ATOSB: variants seen among roughly 807,000 people sequenced by gnomAD.
ATOSB encodes the protein atos homolog B.
At chr9:35,106,407 A>T in the ATOSB span, 1 of 1,614,050 alleles carries the variant, frequency 6.2e-7, no homozygotes, top group Non-Finnish European at 8.5e-7. This position sits in a 1 kb window ranked among gnomAD's most constrained non-coding sequence, Gnocchi z 4.6. Context: ...CGCAGCAATG[A>T]TTCCTGGGAT....
chr9:35,108,473 G>A, the ATOSB span: 2 of 1,326,454 alleles, frequency 1.5e-6, no homozygotes, highest in Non-Finnish European at 9.8e-7. Context: ...GGATGAATGT[G>A]TACAAATCCC....
the ATOSB span, among the ~76,000 whole-genome samples, chr9:35,114,044 C>T: frequency 6.6e-6 from 1 of 152,210 alleles, no homozygotes; most frequent in Non-Finnish European, 1.5e-5. Flanking sequence ...TGCTGAGGGC[C>T]TCTGCAGCTC....
the ATOSB span, chr9:35,106,996 T>C: frequency 9.9e-7 from 1 of 1,014,372 alleles, no homozygotes. The surrounding 1 kb of genome is among the most constrained non-coding windows in gnomAD (Gnocchi z 4.6). Context: ...CCCCCAGGCC[T>C]CCACCTTTAC....
At chr9:35,116,053 C>T in the ATOSB span, among the ~76,000 whole-genome samples, 1 of 151,970 alleles carries the variant, frequency 6.6e-6, no homozygotes, top group African/African-American at 2.4e-5. Context: ...CTCGCACCTC[C>T]TTCGCGTTTT....
the ATOSB span, chr9:35,105,067 A>C: frequency 3.7e-6 from 3 of 801,846 alleles, no homozygotes; most frequent in Admixed American, 1.0e-4. This position sits in a 1 kb window ranked among gnomAD's most constrained non-coding sequence, Gnocchi z 5.5. Context: ...TAAGAATCAG[A>C]AGCTTTAAAC....
the ATOSB span, chr9:35,107,702 G>T: frequency 6.2e-7 from 1 of 1,606,538 alleles, no homozygotes; most frequent in Non-Finnish European, 8.5e-7. Flanking sequence ...GTGCAAGACT[G>T]TGCAAATCAG....
the ATOSB span, chr9:35,108,793 G>A: frequency 7.3e-6 from 4 of 550,788 alleles, no homozygotes; most frequent in Non-Finnish European, 9.3e-6. Context: ...GGTAAGGCCT[G>A]TCACCAATTA....
At chr9:35,104,962 G>A in the ATOSB span, 177 of 347,056 alleles carry the variant, frequency 5.1e-4, 1 homozygote, top group South Asian at 0.014. Flanking sequence ...GAAAATCTCA[G>A]GGTAGCTCCA....
At chr9:35,106,262 G>A in the ATOSB span, 1 of 1,613,616 alleles carries the variant, frequency 6.2e-7, no homozygotes, top group Non-Finnish European at 8.5e-7. The surrounding 1 kb of genome is among the most constrained non-coding windows in gnomAD (Gnocchi z 4.6). Context: ...CAGGAAGGGA[G>A]CCGGGGCATT....
chr9:35,108,149 C>T, the ATOSB span: 14 of 1,578,304 alleles, frequency 8.9e-6, no homozygotes, highest in African/African-American at 2.7e-5. Flanking sequence ...CGGGGGATGT[C>T]GCCCCCCCTG....
the ATOSB span, chr9:35,107,449 T>C: frequency 6.2e-7 from 1 of 1,613,614 alleles, no homozygotes; most frequent in Non-Finnish European, 8.5e-7. Flanking sequence ...TCAGAACTGT[T>C]GGCAGCAGTA....
the ATOSB span, chr9:35,106,924 G>A: frequency 7.1e-6 from 11 of 1,546,486 alleles, no homozygotes; most frequent in South Asian, 1.3e-4. The surrounding 1 kb of genome is among the most constrained non-coding windows in gnomAD (Gnocchi z 4.6). Context: ...AAAGACACAG[G>A]GTGAAGGCCA....
chr9:35,105,841 T>C, the ATOSB span: 5 of 1,613,906 alleles, frequency 3.1e-6, no homozygotes, highest in South Asian at 2.2e-5. This position sits in a 1 kb window ranked among gnomAD's most constrained non-coding sequence, Gnocchi z 5.5. Flanking sequence ...CACAGTCTGG[T>C]TGGGGTTAAA....
At chr9:35,106,193 C>T in the ATOSB span, 7 of 1,606,404 alleles carry the variant, frequency 4.4e-6, no homozygotes, top group South Asian at 7.7e-5. This position sits in a 1 kb window ranked among gnomAD's most constrained non-coding sequence, Gnocchi z 4.6. Flanking sequence ...CCCCCTGGCC[C>T]CGCCCCCAAA....
the ATOSB span, chr9:35,105,395 C>A: frequency 6.3e-7 from 1 of 1,596,030 alleles, no homozygotes; most frequent in Non-Finnish European, 8.6e-7. The surrounding 1 kb of genome is among the most constrained non-coding windows in gnomAD (Gnocchi z 5.5). Flanking sequence ...ACAATGTGAT[C>A]AACGTAAGAA....
At chr9:35,107,579 A>G in the ATOSB span, 1 of 1,587,146 alleles carries the variant, frequency 6.3e-7, no homozygotes, top group Non-Finnish European at 8.6e-7. Context: ...CTGGGGGTCC[A>G]GGGCCAGGGG....
chr9:35,108,185 A>G, the ATOSB span: 6 of 1,597,072 alleles, frequency 3.8e-6, no homozygotes, highest in Non-Finnish European at 4.3e-6. Flanking sequence ...TGAGCAGGCC[A>G]CCCTGGAGGG....
chr9:35,107,623 C>G, the ATOSB span: 1 of 1,597,158 alleles, frequency 6.3e-7, no homozygotes, highest in Non-Finnish European at 8.5e-7. Flanking sequence ...TTGGCAGTGC[C>G]AGGGGACTCC....
the ATOSB span, among the ~76,000 whole-genome samples, chr9:35,113,180 A>C: frequency 4.5e-4 from 69 of 152,314 alleles, no homozygotes; most frequent in African/African-American, 1.6e-3. Flanking sequence ...GAAAAAAATA[A>C]TCCCTTAGCA....
Sources: allele counts gnomAD v4.1 joint callset (sites outside exome capture counted in the v4.1 genomes callset), GRCh38; gene constraint gnomAD v4.1.1; non-coding constraint Gnocchi (gnomAD v3.1); transcripts MANE v1.5; gene names NCBI Gene and HGNC (gene_info 2026-07-23, HGNC 2026-07-21).